Variants in UXS1 observed in about 807,000 individuals in gnomAD.
UXS1 encodes UDP-glucuronate decarboxylase 1.
A neutral mutation model predicts 62.6 loss-of-function variants in UXS1; 33 were observed. The observed-to-expected ratio is 0.53, with a 90% CI of 0.40 to 0.70. The LOEUF is 0.70. Among genes scored for constraint, UXS1 ranks in the 30% least tolerant of loss-of-function variants. UXS1 has a pLI of 0.00. For synonymous variants in UXS1, 213 were observed against 206.8 expected, an observed-to-expected ratio of 1.03 and a Z score of -0.26; for missense variants, 434 against 556.3, an observed-to-expected ratio of 0.78 and a Z score of 2.21.
intron 13 of UXS1, among the ~76,000 whole-genome samples, chr2:106,098,062 C>A (rs1677271648): frequency 6.6e-6 from 1 of 152,252 alleles, no homozygotes; most frequent in Non-Finnish European, 1.5e-5. Context: ...TCCTCCTTGG[C>A]CTACCTGCCA....
rs552523744 is a variant in UXS1 at position 106,155,427 on chromosome 2, C to T, written c.291+2631G>A. On this transcript the variant is annotated intron_variant, in intron 5 of 14. Transcript: ENST00000283148. ...CAGAAGGAAAAAGAAGGGAAAGGTA[C>T]CAAATAGGAAATTAGTTAATTACAA... 7.9e-5 allele frequency among the ~76,000 whole-genome samples: 12 copies of T among 152,226 alleles called. 1 individual carries two copies. Among genetic ancestry groups the T allele is most frequent in the African/African-American group, 2.6e-4 (11 of 41,516 alleles).
At chr2:106,097,425 T>C in intron 13 of UXS1, 1 of 348,256 alleles carries the variant, frequency 2.9e-6, no homozygotes, top group East Asian at 7.5e-5. Context: ...AGAAAGCCTG[T>C]GGAGGCTTTC....
intron 9 of UXS1, among the ~76,000 whole-genome samples, chr2:106,114,505 T>C (rs1221720351): frequency 6.6e-6 from 1 of 152,188 alleles, no homozygotes; most frequent in East Asian, 1.9e-4. Context: ...GTGGCTTTAT[T>C]CTAGGAAAAG....
intron 9 of UXS1, among the ~76,000 whole-genome samples, chr2:106,119,189 G>A (rs1051455935): frequency 6.6e-5 from 10 of 152,360 alleles, no homozygotes; most frequent in Admixed American, 6.5e-4. Flanking sequence ...CTCATTCTGG[G>A]CACTGTCCCA....
intron 10 of UXS1, among the ~76,000 whole-genome samples, chr2:106,107,676 T>C (rs1017499525): frequency 1.3e-5 from 2 of 152,160 alleles, no homozygotes; most frequent in African/African-American, 4.8e-5. Context: ...GCTCCCAAAA[T>C]AACCTGCAGT....
intron 6 of UXS1, among the ~76,000 whole-genome samples, chr2:106,139,491 A>C (rs143638266): frequency 6.6e-6 from 1 of 152,256 alleles, no homozygotes; most frequent in African/African-American, 2.4e-5. Context: ...TCTTAGGTTG[A>C]ATTTCACTGT....
intron 3 of UXS1, among the ~76,000 whole-genome samples, chr2:106,164,117 T>C (rs1368989435): frequency 6.6e-6 from 1 of 152,226 alleles, no homozygotes. Flanking sequence ...AGCACATAAA[T>C]TGCAGGCTGT....
At chr2:106,126,514 C>T (rs970626353) in intron 7 of UXS1, among the ~76,000 whole-genome samples, 1 of 152,104 alleles carries the variant, frequency 6.6e-6, no homozygotes, top group Non-Finnish European at 1.5e-5. Flanking sequence ...GAGGGTGAGA[C>T]GAGCCAGGCA....
chr2:106,103,814 TAC>T (rs1206254747), intron 11 of UXS1, among the ~76,000 whole-genome samples: 5 of 152,224 alleles, frequency 3.3e-5, no homozygotes, highest in Admixed American at 3.3e-4. Context: ...AGCAAAAATC[TAC>T]AGTGGTTATT....
chr2:106,140,956 C>T (rs1681051300), intron 6 of UXS1, among the ~76,000 whole-genome samples: 1 of 152,170 alleles, frequency 6.6e-6, no homozygotes, highest in Admixed American at 6.6e-5. Context: ...AGCACAGGTG[C>T]TCTGTAGCAG....
intron 11 of UXS1, chr2:106,101,608 T>C (rs1003782403): frequency 6.5e-6 from 1 of 153,478 alleles, no homozygotes; most frequent in South Asian, 2.0e-4. Flanking sequence ...ATCCCCATAC[T>C]GGCAAATCAC....
chr2:106,174,231 C>T (rs1323069810), intron 1 of UXS1, among the ~76,000 whole-genome samples: 1 of 152,182 alleles, frequency 6.6e-6, no homozygotes, highest in Admixed American at 6.5e-5. Flanking sequence ...ATGGGCACCA[C>T]TGTGTTCCCT....
chr2:106,115,547 T>A (rs886428616), intron 9 of UXS1, among the ~76,000 whole-genome samples: 49 of 152,124 alleles, frequency 3.2e-4, no homozygotes, highest in African/African-American at 1.2e-3. Flanking sequence ...ATCAGGAAGG[T>A]CAAGACAACT....
intron 6 of UXS1, among the ~76,000 whole-genome samples, chr2:106,131,182 A>ATT (rs1379699450): frequency 6.7e-6 from 1 of 150,184 alleles, no homozygotes; most frequent in Non-Finnish European, 1.5e-5. Flanking sequence ...CCACCCGAAT[A>ATT]TTGCGCTTTT....
At chr2:106,144,040 C>A (rs1350596234) in intron 6 of UXS1, among the ~76,000 whole-genome samples, 1 of 152,208 alleles carries the variant, frequency 6.6e-6, no homozygotes, top group East Asian at 1.9e-4. Context: ...TGTGACAGCA[C>A]CACCTAGCAT....
At chr2:106,143,171 G>C (rs1037552812) in intron 6 of UXS1, among the ~76,000 whole-genome samples, 7 of 151,632 alleles carry the variant, frequency 4.6e-5, no homozygotes, top group Admixed American at 4.6e-4. Flanking sequence ...ATTTGGGGGA[G>C]GTCAAGGTGG....
At position 106,093,874 on chromosome 2, in the gene UXS1, C is replaced by T. The variant is rs1260649285; in HGVS notation, c.*152G>A. Reference sequence around the variant, plus strand: ...GTTTTTTGAGGGGAGCTTTTAGGCACATCCATTTCATTAAAGCAAGCTTCA... The same window carrying T: ...GTTTTTTGAGGGGAGCTTTTAGGCATATCCATTTCATTAAAGCAAGCTTCA... On this transcript the variant is annotated 3_prime_UTR_variant, in exon 15 of 15. Transcript: ENST00000283148. 3 of 1,102,082 alleles carry T rather than the reference C, an allele frequency of 2.7e-6. No homozygotes were observed. The highest frequency in any genetic ancestry group is 3.7e-6 in the Non-Finnish European group (3 of 817,752). The allele number at this position is 1,102,082 out of a possible 1,614,324, so 68.3% of individuals were successfully genotyped here.
At chr2:106,193,255 G>A (rs1194810298) in intron 1 of UXS1, among the ~76,000 whole-genome samples, 2 of 152,186 alleles carry the variant, frequency 1.3e-5, no homozygotes, top group African/African-American at 4.8e-5. Context: ...ATTTCAGTGT[G>A]TGTCTGGGTG....
chr2:106,101,151 C>T (rs1404593043), intron 11 of UXS1, 33 bp from the exon 12 acceptor site: 1 of 1,612,730 alleles, frequency 6.2e-7, no homozygotes, highest in African/African-American at 1.3e-5. Flanking sequence ...TGAGGCTCTG[C>T]CTGCTGGAAT....
Sources: allele counts gnomAD v4.1 joint callset (sites outside exome capture counted in the v4.1 genomes callset), GRCh38; gene constraint gnomAD v4.1.1; transcripts MANE v1.5; gene names NCBI Gene and HGNC (gene_info 2026-07-23, HGNC 2026-07-21).